Variants in TMED9 observed in about 807,000 individuals in gnomAD.
The protein encoded by TMED9 is transmembrane p24 trafficking protein 9.
In TMED9, 22 loss-of-function variants were observed where a neutral mutation model predicts 30.6. The ratio of observed to expected loss-of-function variants is 0.72; its 90% CI spans 0.51 to 1.03. TMED9 has a LOEUF of 1.03. Among genes scored for constraint, TMED9 ranks in the 50% least tolerant of loss-of-function variants. The pLI is 0.00. For missense variants in TMED9, 251 were observed against 302.1 expected, an observed-to-expected ratio of 0.83 and a Z score of 1.25; for synonymous variants, 146 against 122.8, an observed-to-expected ratio of 1.19 and a Z score of -1.25.
Position 177,594,164 on chromosome 5 carries a change from G to C in TMED9, c.437G>C (p.Gly146Ala), listed in dbSNP as rs1183563138. ...AGAGTTCACCTGGACATCCAGGTAG[G>C]TGAACATGCCAATGACTATGCAGAA... ...MLRVHLDIQV[G>A]EHANDYAEIA... The change falls in exon 4 of 5, where the codon GGT becomes GCT. Residue 146 changes from glycine (G) to alanine (A), a missense_variant. Coordinates refer to ENST00000332598, the MANE Select transcript of TMED9 (RefSeq NM_017510.6). 2 of 1,614,120 alleles carry C rather than the reference G, an allele frequency of 1.2e-6. No individual in the cohort carries two copies. Among genetic ancestry groups the C allele is most frequent in the Non-Finnish European group, 1.7e-6 (2 of 1,180,042 alleles).
In TMED9 at chr5:177,592,312, CG is replaced by C; in HGVS notation, c.99del (p.Arg34AlafsTer28). 1 of 1,605,704 alleles carries C rather than the reference CG, an allele frequency of 6.2e-7. No individual in the cohort carries two copies. ...RTLLLVLWLA[T>X]RGSALYFHIG... ...CTCCTGCTGGTGCTGTGGCTGGCGA[CG>C]CGCGGAAGCGCGCTCTACTTTCACA... On this transcript the variant is annotated frameshift_variant, in exon 1 of 5. Coordinates refer to ENST00000332598, the MANE Select transcript of TMED9 (RefSeq NM_017510.6). LOFTEE classifies it high-confidence loss of function.
chr5:177,592,252 G>A lies in TMED9; in HGVS notation c.38G>A (p.Arg13Gln), dbSNP rs780535578. 2 of 1,611,122 alleles carry A rather than the reference G, an allele frequency of 1.2e-6. No individual in the cohort carries two copies. Among genetic ancestry groups the A allele is most frequent in the Non-Finnish European group, 1.7e-6 (2 of 1,179,022 alleles). ...CTGGGCGTGCTGCTCGTCCGGCCCC[G>A]GCCCGGAACCGGGCTGGGTAGAGTG... ...VELGVLLVRPRPGTGLGRVMR... is the reference protein window; with the variant it reads ...VELGVLLVRPQPGTGLGRVMR... The change falls in exon 1 of 5, where the codon CGG (arginine) becomes CAG (glutamine). Residue 13 changes from arginine to glutamine, a missense_variant. Coordinates refer to ENST00000332598, the MANE Select transcript of TMED9 (RefSeq NM_017510.6).
Position 177,594,356 on chromosome 5 carries a change from A to G in TMED9, c.558+71A>G, listed in dbSNP as rs575462015. The G allele has an allele frequency of 2.9e-4, 446 of 1,558,542 alleles. 2 individuals are homozygous for G. In the Middle Eastern group the frequency reaches 4.2e-3, roughly 15 times the overall value. On this transcript the variant is annotated intron_variant, in intron 4 of 4. Coordinates refer to ENST00000332598, the MANE Select transcript of TMED9 (RefSeq NM_017510.6). Reference sequence around the variant, plus strand: ...CCACTGGCTCAGCCAGGAATTTCACATTAAATTCATTCTGAGACCCCCAAG... The same window carrying G: ...CCACTGGCTCAGCCAGGAATTTCACGTTAAATTCATTCTGAGACCCCCAAG...
intron 2 of TMED9, 45 bp from the exon 3 acceptor site, chr5:177,593,605 C>T (rs376187287): frequency 4.3e-6 from 7 of 1,611,542 alleles, no homozygotes; most frequent in Middle Eastern, 1.6e-4. Context: ...TCCTCCATTC[C>T]CATCCCTACC....
In TMED9 at chr5:177,595,263, G is replaced by T. The variant is rs201432047; in HGVS notation, c.559-4G>T. ...ACTCAGGCTCACCTTATATTCCCCT[G>T]CAGTGGCGAGAGGAGCGCTTCCGGC... On this transcript the variant is annotated splice_polypyrimidine_tract_variant and splice_region_variant and intron_variant, in intron 4 of 4. Transcript: ENST00000332598. 1 of 1,576,128 alleles carries T rather than the reference G, an allele frequency of 6.3e-7. No homozygotes were observed. The highest frequency in any genetic ancestry group is 1.1e-5 in the South Asian group (1 of 88,082).
At position 177,592,244 on chromosome 5, in the gene TMED9, C is replaced by A. The variant is rs575506877; in HGVS notation, c.30C>A (p.Val10=). Residue 10 remains valine, a synonymous_variant, in exon 1 of 5, where the codon GTC becomes GTA. Transcript: ENST00000332598. The part of the protein sequence containing the change: MAVELGVLL[V]RPRPGTGLGR... ...CTGTGGAGCTGGGCGTGCTGCTCGT[C>A]CGGCCCCGGCCCGGAACCGGGCTGG... The A allele has an allele frequency of 6.2e-7, 1 of 1,610,058 alleles. No individual in the cohort carries two copies. Among genetic ancestry groups the A allele is most frequent in the Admixed American group, 1.7e-5 (1 of 59,660 alleles).
rs368843760 is a variant in TMED9 at position 177,592,286 on chromosome 5, C to T, written c.72C>T (p.Thr24=). ...CCGGGCTGGGTAGAGTGATGCGGACCCTCCTGCTGGTGCTGTGGCTGGCGA... is the reference window on the plus strand; with the variant it reads ...CCGGGCTGGGTAGAGTGATGCGGACTCTCCTGCTGGTGCTGTGGCTGGCGA... ...PGTGLGRVMR[T]LLLVLWLATR... The change falls in exon 1 of 5, where the codon ACC becomes ACT. Residue 24 remains threonine, a synonymous_variant. Coordinates refer to ENST00000332598, the MANE Select transcript of TMED9 (RefSeq NM_017510.6). 1 of 1,611,844 alleles carries T rather than the reference C, an allele frequency of 6.2e-7. No individual in the cohort carries two copies. Among genetic ancestry groups the T allele is most frequent in the Non-Finnish European group, 8.5e-7 (1 of 1,179,104 alleles).
Position 177,592,269 on chromosome 5 carries a change from G to C in TMED9, c.55G>C (p.Gly19Arg). ...LVRPRPGTGLGRVMRTLLLVL... is the reference protein window; with the variant it reads ...LVRPRPGTGLRRVMRTLLLVL... ...CCGGCCCCGGCCCGGAACCGGGCTG[G>C]GTAGAGTGATGCGGACCCTCCTGCT... Residue 19 changes from glycine to arginine, a missense_variant, in exon 1 of 5, where the codon GGT becomes CGT. Gly to Arg is a moderately radical substitution (Grantham distance 125). Coordinates refer to ENST00000332598, the MANE Select transcript of TMED9 (RefSeq NM_017510.6). The C allele has an allele frequency of 6.2e-7, 1 of 1,611,882 alleles. No homozygotes were observed. The highest frequency in any genetic ancestry group is 8.5e-7 in the Non-Finnish European group (1 of 1,179,164).
Position 177,594,221 on chromosome 5 carries a change from A to AGCTACGAGTGCGACAGCTGGT in TMED9, c.496_516dup (p.Leu166_Val172dup). ...GCTAAAGACAAGTTGAGTGAGTTGC[A>AGCTACGAGTGCGACAGCTGGT]GCTACGAGTGCGACAGCTGGTGGAA... On this transcript the variant is annotated inframe_insertion, in exon 4 of 5. Transcript: ENST00000332598. The AGCTACGAGTGCGACAGCTGGT allele has an allele frequency of 6.2e-7, 1 of 1,614,246 alleles. No individual in the cohort carries two copies. Among genetic ancestry groups the AGCTACGAGTGCGACAGCTGGT allele is most frequent in the Non-Finnish European group, 8.5e-7 (1 of 1,180,040 alleles).
intron 2 of TMED9, 112 bp from the exon 3 acceptor site, chr5:177,593,538 G>A: frequency 7.7e-7 from 1 of 1,306,512 alleles, no homozygotes; most frequent in Non-Finnish European, 1.1e-6. Context: ...AGTGTTGTGA[G>A]GTGCGAAAGG....
In TMED9 at chr5:177,593,743, A is replaced by G. The variant is rs759740559; in HGVS notation, c.379A>G (p.Thr127Ala). The G allele has an allele frequency of 4.7e-5, 76 of 1,613,868 alleles. No individual in the cohort carries two copies. Among genetic ancestry groups the G allele is most frequent in the Non-Finnish European group, 5.8e-5 (69 of 1,179,978 alleles). Reference sequence around the variant, plus strand: ...CCAGATCTGTCTTCACTCCAATTCCACCAAGTTCTCCCTCTTTGCTGGAGG... The same window carrying G: ...CCAGATCTGTCTTCACTCCAATTCCGCCAAGTTCTCCCTCTTTGCTGGAGG... ...EHQICLHSNS[T>A]KFSLFAGGML... Residue 127 changes from threonine to alanine, a missense_variant, in exon 3 of 5, where the codon ACC (threonine) becomes GCC (alanine). Thr to Ala is a moderately conservative substitution (Grantham distance 58). Coordinates refer to ENST00000332598, the MANE Select transcript of TMED9 (RefSeq NM_017510.6).
Position 177,593,794 on chromosome 5 carries a change from G to T in TMED9, c.411+19G>T, listed in dbSNP as rs764746510. ...CATGCTGGTAAGTGGGCCCATGTGA[G>T]ACTTGCAGGTTTCAGCCTTCATCCT... On this transcript the variant is annotated intron_variant, in intron 3 of 4. Coordinates refer to ENST00000332598, the MANE Select transcript of TMED9 (RefSeq NM_017510.6). The T allele has an allele frequency of 6.2e-7, 1 of 1,613,770 alleles. No individual in the cohort carries two copies. The highest frequency in any genetic ancestry group is 8.5e-7 in the Non-Finnish European group (1 of 1,179,714).
At position 177,592,235 on chromosome 5, in the gene TMED9, G is replaced by T; in HGVS notation, c.21G>T (p.Val7=). The T allele has an allele frequency of 6.2e-7, 1 of 1,608,490 alleles. No individual in the cohort carries two copies. Among genetic ancestry groups the T allele is most frequent in the Non-Finnish European group, 8.5e-7 (1 of 1,178,108 alleles). ...GCAAGATGGCTGTGGAGCTGGGCGT[G>T]CTGCTCGTCCGGCCCCGGCCCGGAA... MAVELG[V]LLVRPRPGTG... is the part of the protein sequence containing the mutation. The change falls in exon 1 of 5, where the codon GTG becomes GTT. Residue 7 remains valine, a synonymous_variant. Transcript: ENST00000332598.
intron 4 of TMED9, 52 bp from the exon 5 acceptor site, chr5:177,595,214 CA>C: frequency 6.8e-7 from 1 of 1,466,882 alleles, no homozygotes; most frequent in Non-Finnish European, 9.1e-7. Context: ...GTCTGGGAAT[CA>C]GCAGTTCTAG....
At chr5:177,593,376 G>C (rs1340243409) in intron 2 of TMED9, 3 of 332,096 alleles carry the variant, frequency 9.0e-6, no homozygotes, top group Non-Finnish European at 1.6e-5. Context: ...CACCAAAAAA[G>C]TTGAAAGGGC....
rs767283420 is a variant in TMED9 at position 177,593,635 on chromosome 5, G to A, written c.286-15G>A. The stretch of plus-strand genomic sequence containing the variant: ...CCTACCATAATACTGACTGAAGCTT[G>A]TTACCTTCCTCCAGGTCATCCTGGC... On this transcript the variant is annotated splice_polypyrimidine_tract_variant and intron_variant, in intron 2 of 4. Transcript: ENST00000332598. 3.9e-5 allele frequency: 63 copies of A among 1,613,950 alleles called. No homozygotes were observed. Among genetic ancestry groups the A allele is most frequent in the Middle Eastern group, 1.6e-4 (1 of 6,084 alleles).
chr5:177,592,234 T>G lies in TMED9; in HGVS notation c.20T>G (p.Val7Gly), dbSNP rs1200961626. 6.2e-7 allele frequency: 1 copy of G among 1,608,136 alleles called. No homozygotes were observed. Among genetic ancestry groups the G allele is most frequent in the East Asian group, 2.2e-5 (1 of 44,570 alleles). ...AGCAAGATGGCTGTGGAGCTGGGCG[T>G]GCTGCTCGTCCGGCCCCGGCCCGGA... MAVELG[V>G]LLVRPRPGTG... Residue 7 changes from valine (V) to glycine (G), a missense_variant, in exon 1 of 5, where the codon GTG (valine) becomes GGG (glycine). Coordinates refer to ENST00000332598, the MANE Select transcript of TMED9 (RefSeq NM_017510.6).
rs955638105 is a variant in TMED9, at chr5:177,592,686, C to G, written c.285+11C>G. The G allele has an allele frequency of 6.4e-6, 9 of 1,414,982 alleles. No homozygotes were observed. Among genetic ancestry groups the G allele is most frequent in the South Asian group, 3.8e-5 (3 of 79,948 alleles). The allele number at this position is 1,414,982 out of a possible 1,614,324, so 87.7% of individuals were successfully genotyped here. ...GACCCAGAGGACAAGGTGAGCCAAC[C>G]GCCCCCCTCCTCTCCGCCAGCCTCT... On this transcript the variant is annotated intron_variant, in intron 2 of 4. Coordinates refer to ENST00000332598, the MANE Select transcript of TMED9 (RefSeq NM_017510.6).
intron 2 of TMED9, 73 bp downstream of exon 2, chr5:177,592,748 C>G: frequency 9.5e-7 from 1 of 1,057,808 alleles, no homozygotes; most frequent in Non-Finnish European, 1.4e-6. Context: ...CTTCTAGTTC[C>G]TGCATCTGCT....
Sources: gnomAD v4.1 joint callset for allele counts on GRCh38, gnomAD v4.1.1 for gene constraint, MANE v1.5 for transcripts, NCBI Gene and HGNC (gene_info 2026-07-23, HGNC 2026-07-21) for gene names.